The following RGS6 variants were observed in gnomAD, a reference collection of about 807,000 sequenced individuals.
RGS6 encodes regulator of G-protein signaling 6.
A neutral mutation model predicts 78.5 loss-of-function variants in RGS6; 30 were observed. The ratio of observed to expected loss-of-function variants is 0.38; its 90% confidence interval spans 0.29 to 0.52. RGS6 has a LOEUF of 0.52. RGS6 is among the 20% of genes least tolerant of loss of function. The pLI, the probability that RGS6 is intolerant of heterozygous loss-of-function variation, is 0.85. For synonymous variants in RGS6, 206 were observed against 206.0 expected (o/e 1.00, Z 0.00); for missense variants, 495 against 609.7 (o/e 0.81, Z 1.98).
chr14:71,886,384 C>A, the RGS6 span, among the ~76,000 whole-genome samples: 1 of 152,198 alleles, frequency 6.6e-6, no homozygotes, highest in Non-Finnish European at 1.5e-5. Flanking sequence ...GTGCACATTG[C>A]ACAGTAGGCA....
At chr14:72,386,741 T>C (rs2088199170) in intron 3 of RGS6, among the ~76,000 whole-genome samples, 2 of 152,232 alleles carry the variant, frequency 1.3e-5, no homozygotes, top group Admixed American at 1.3e-4. Flanking sequence ...ATTTTATTTT[T>C]ACATTCCTAT....
At chr14:72,037,970 A>ATTATTTTATTTTATTTAATT (rs2091945812) in intron 2 of RGS6, among the ~76,000 whole-genome samples, 1 of 151,206 alleles carries the variant, frequency 6.6e-6, no homozygotes, top group Non-Finnish European at 1.5e-5. Context: ...TTTATTTTTT[A>ATTATTTTATTTTATTTAATT]TTATTTTATT....
chr14:72,264,567 A>C (rs1218795378), intron 2 of RGS6, among the ~76,000 whole-genome samples: 1 of 152,146 alleles, frequency 6.6e-6, no homozygotes, highest in African/African-American at 2.4e-5. Context: ...CTTGTTTGCA[A>C]CTCTCTATTT....
the RGS6 span, among the ~76,000 whole-genome samples, chr14:72,622,686 T>C: frequency 6.6e-6 from 1 of 151,692 alleles, no homozygotes; most frequent in Non-Finnish European, 1.5e-5. Flanking sequence ...CCCCAGCTTA[T>C]GCTAACTCTC....
At chr14:72,001,946 A>C (rs996209534) in intron 2 of RGS6, among the ~76,000 whole-genome samples, 2 of 116,744 alleles carry the variant, frequency 1.7e-5, no homozygotes, top group African/African-American at 6.6e-5. Flanking sequence ...TCTGCTGCCC[A>C]GACTGGAATT....
At chr14:72,411,650 T>C (rs559523137) in intron 3 of RGS6, among the ~76,000 whole-genome samples, 58 of 152,306 alleles carry the variant, frequency 3.8e-4, no homozygotes, top group African/African-American at 1.3e-3. Context: ...GTGCCAGTTT[T>C]CAAAGGTAAT....
chr14:72,465,593 GAT>G (rs2095881551), intron 6 of RGS6, among the ~76,000 whole-genome samples, 163 bp from the exon 7 acceptor site: 2 of 150,174 alleles, frequency 1.3e-5, no homozygotes, highest in South Asian at 2.1e-4. Flanking sequence ...TGGATGGATG[GAT>G]GGATGGTTGG....
At chr14:72,097,691 C>T (rs1232471486) in intron 2 of RGS6, among the ~76,000 whole-genome samples, 2 of 152,148 alleles carry the variant, frequency 1.3e-5, no homozygotes, top group Non-Finnish European at 2.9e-5. Flanking sequence ...CCTCCTCTGC[C>T]GGGAAGACTC....
chr14:72,395,701 G>A (rs968135791), intron 3 of RGS6, among the ~76,000 whole-genome samples: 39 of 149,740 alleles, frequency 2.6e-4, no homozygotes, highest in African/African-American at 8.4e-4. Flanking sequence ...CCCCACAACA[G>A]GCCCCGGTGT....
rs2097703475 is a variant in RGS6, at chr14:72,565,015, T to C, written c.*2548T>C. The C allele has an allele frequency of 6.6e-6, 1 of 152,246 alleles. No homozygotes were observed. The highest frequency in any genetic ancestry group is 2.4e-5 in the African/African-American group (1 of 41,456). The allele number at this position is 152,246 out of a possible 1,614,324, so 9.4% of individuals were successfully genotyped here. On this transcript the variant is annotated 3_prime_UTR_variant, in exon 18 of 18. Transcript: ENST00000553525. ...CAAGGTCCATCTACCACGCAGAACT[T>C]GGTCATGCAAGTACATTTGGAAAAT...
At chr14:72,227,636 AGG>A (rs1191902249) in intron 2 of RGS6, among the ~76,000 whole-genome samples, 2 of 152,304 alleles carry the variant, frequency 1.3e-5, no homozygotes, top group African/African-American at 4.8e-5. Flanking sequence ...TTTTTAAAGA[AGG>A]GAGCATTTTA....
intron 2 of RGS6, among the ~76,000 whole-genome samples, chr14:72,077,953 C>T (rs1301971617): frequency 6.6e-6 from 1 of 152,158 alleles, no homozygotes; most frequent in Non-Finnish European, 1.5e-5. Context: ...TACCAAAATT[C>T]TCAGATCCCC....
At chr14:72,455,153 G>GT (rs559407634) in intron 4 of RGS6, among the ~76,000 whole-genome samples, 168 of 23,144 alleles carry the variant, frequency 7.3e-3, no homozygotes, top group Admixed American at 0.028. Context: ...ATTAGGAAAT[G>GT]GGGGGGGTGT....
chr14:72,076,038 C>A (rs1233811924), intron 2 of RGS6, among the ~76,000 whole-genome samples: 1 of 152,198 alleles, frequency 6.6e-6, no homozygotes, highest in Admixed American at 6.5e-5. Flanking sequence ...TCCCAAACTC[C>A]TACCTAGACA....
At chr14:72,329,180 A>G (rs1370105431) in intron 2 of RGS6, among the ~76,000 whole-genome samples, 1 of 152,202 alleles carries the variant, frequency 6.6e-6, no homozygotes, top group Non-Finnish European at 1.5e-5. Context: ...AACCAACACT[A>G]TTTGTTATTT....
intron 2 of RGS6, among the ~76,000 whole-genome samples, chr14:72,079,465 T>C (rs1470242408): frequency 3.9e-5 from 6 of 152,214 alleles, no homozygotes; most frequent in Non-Finnish European, 5.9e-5. Context: ...CTTTGATATA[T>C]GTAGGCATTG....
intron 2 of RGS6, among the ~76,000 whole-genome samples, chr14:72,242,839 CTTTTTTTTTTTTTTT>C (rs35675211): frequency 1.4e-5 from 1 of 69,134 alleles, no homozygotes; most frequent in Admixed American, 2.2e-4. Flanking sequence ...CATTTCTTTT[CTTTTTTTTTTTTTTT>C]TTTTTTTTTT....
chr14:72,628,528 A>G, the RGS6 span, among the ~76,000 whole-genome samples: 48 of 152,306 alleles, frequency 3.2e-4, no homozygotes, highest in East Asian at 7.9e-3. Flanking sequence ...AAAATAGTCA[A>G]TCCAGTCAAA....
At chr14:72,401,210 T>A (rs1384636062) in intron 3 of RGS6, among the ~76,000 whole-genome samples, 3 of 152,164 alleles carry the variant, frequency 2.0e-5, no homozygotes, top group Non-Finnish European at 4.4e-5. Context: ...CAAGCCATAA[T>A]GTGTTTCCTG....
Sources: allele counts gnomAD v4.1 joint callset (sites outside exome capture counted in the v4.1 genomes callset), GRCh38; gene constraint gnomAD v4.1.1; transcripts MANE v1.5; gene names NCBI Gene and HGNC (gene_info 2026-07-23, HGNC 2026-07-21).